The following COL12A1 variants were observed in gnomAD, a reference collection of about 807,000 sequenced individuals.
The protein encoded by COL12A1 is collagen alpha-1(XII) chain.
COL12A1 carries 114 observed loss-of-function variants against 349.7 expected under a neutral mutation model. The observed-to-expected ratio is 0.33, with a 90% confidence interval of 0.28 to 0.38. The LOEUF (loss-of-function observed/expected upper bound fraction) is 0.38, where lower values mean the gene tolerates loss of function less well. Among genes scored for constraint, COL12A1 ranks in the 10% least tolerant of loss-of-function variants. COL12A1 has a pLI of 1.00. For missense variants in COL12A1, 3,284 were observed against 3,756.9 expected (o/e 0.87, Z 3.29); for synonymous variants, 1,369 against 1,329.0 (o/e 1.03, Z -0.66).
In COL12A1 at chr6:75,119,392, C is replaced by A; in HGVS notation, c.7168G>T (p.Ala2390Ser). The change falls in exon 45 of 66, where the codon GCC becomes TCC. Residue 2390 changes from alanine to serine, a missense_variant. This residue lies in a region of COL12A1 where 683 missense variants were observed against 932.1 expected (regional missense o/e 0.73). Coordinates refer to ENST00000322507, the MANE Select transcript of COL12A1 (RefSeq NM_004370.6). The stretch of plus-strand genomic sequence containing the variant: ...CCTCTGTACCTAATATTCTGGAGGG[C>A]CCCAAGGGCTAGGGCCTTGTCATTG... The part of the protein sequence containing the change: ...TYNDKALALG[A>S]LQNIRYRGGN... The A allele has an allele frequency of 6.2e-7, 1 of 1,613,906 alleles. No homozygotes were observed. Among genetic ancestry groups the A allele is most frequent in the Non-Finnish European group, 8.5e-7 (1 of 1,179,892 alleles).
chr6:75,185,732 G>T (rs1769579101), intron 8 of COL12A1, among the ~76,000 whole-genome samples: 1 of 152,168 alleles, frequency 6.6e-6, no homozygotes, highest in Admixed American at 6.5e-5. Context: ...CAGGGCTGTG[G>T]TAACCAAAAC....
At position 75,085,231 on chromosome 6, in the gene COL12A1, G is replaced by T. The variant is rs1194153063; in HGVS notation, c.*1316C>A. On this transcript the variant is annotated 3_prime_UTR_variant, in exon 66 of 66. Coordinates refer to ENST00000322507, the MANE Select transcript of COL12A1 (RefSeq NM_004370.6). ...TGGGGCAGGGCGCGCCGCCAGCGCC[G>T]GTGGGGCTCAGGAGGCTCCTCTGCA... The T allele has an allele frequency of 2.1e-6, 1 of 469,682 alleles. No individual in the cohort carries two copies. The highest frequency in any genetic ancestry group is 7.0e-5 in the East Asian group (1 of 14,344). 29.1% of individuals were successfully genotyped at this position (469,682 alleles called of 1,614,324 possible). A position where few individuals can be genotyped will look rare whatever the true frequency, so the allele number is the denominator to read the frequency against.
intron 58 of COL12A1, among the ~76,000 whole-genome samples, chr6:75,099,108 T>C (rs1486874194): frequency 6.6e-6 from 1 of 152,214 alleles, no homozygotes; most frequent in Non-Finnish European, 1.5e-5. Context: ...AAGTTGACCA[T>C]TTGGAGCTCT....
At chr6:75,089,699 A>G (rs1299653397) in intron 63 of COL12A1, among the ~76,000 whole-genome samples, 1 of 152,192 alleles carries the variant, frequency 6.6e-6, no homozygotes, top group East Asian at 1.9e-4. Flanking sequence ...AGAGCCAAAC[A>G]AACATACAAG....
At chr6:75,188,556 G>A (rs770603553) in intron 7 of COL12A1, 21 bp from the exon 8 acceptor site, 5 of 1,605,772 alleles carry the variant, frequency 3.1e-6, no homozygotes, top group African/African-American at 1.3e-5. Flanking sequence ...AAAGGATAAG[G>A]ACATATTGAA....
chr6:75,099,145 A>C (rs1461888255), intron 58 of COL12A1, among the ~76,000 whole-genome samples: 1 of 152,226 alleles, frequency 6.6e-6, no homozygotes, highest in Non-Finnish European at 1.5e-5. Flanking sequence ...CACACTTTTT[A>C]TTAGTACATT....
chr6:75,128,583 T>C lies in COL12A1; in HGVS notation c.6211-158A>G, dbSNP rs76961213. On this transcript the variant is annotated intron_variant, in intron 37 of 65. Coordinates refer to ENST00000322507, the MANE Select transcript of COL12A1 (RefSeq NM_004370.6). ...CGTGACAAGACAAACTATCTTCACT[T>C]CTTCTCTGCAGCATAGGAGAGTGGT... 0.04 allele frequency among the ~76,000 whole-genome samples: 6,122 copies of C among 152,266 alleles called. 223 individuals carry two copies. The highest frequency in any genetic ancestry group is 0.1 in the African/African-American group (4,201 of 41,550).
intron 22 of COL12A1, 47 bp from the exon 23 acceptor site, chr6:75,147,851 C>A: frequency 6.3e-7 from 1 of 1,589,448 alleles, no homozygotes; most frequent in South Asian, 1.2e-5. Flanking sequence ...ATAATCAGTT[C>A]CCTTTTTCCT....
intron 49 of COL12A1, 66 bp from the exon 50 acceptor site, chr6:75,113,810 T>C (rs1328729870): frequency 4.0e-6 from 5 of 1,262,252 alleles, no homozygotes; most frequent in Non-Finnish European, 5.4e-6. Flanking sequence ...AAAGAAAGAT[T>C]GATTGCTTTA....
At chr6:75,091,016 C>T (rs1193441763) in intron 62 of COL12A1, among the ~76,000 whole-genome samples, 2 of 152,138 alleles carry the variant, frequency 1.3e-5, no homozygotes, top group Non-Finnish European at 2.9e-5. Context: ...TCAAATTCAT[C>T]TTGGTGGGCC....
At chr6:75,150,965 T>G (rs1767449168) in intron 21 of COL12A1, among the ~76,000 whole-genome samples, 176 bp downstream of exon 21, 1 of 152,164 alleles carries the variant, frequency 6.6e-6, no homozygotes, top group Admixed American at 6.6e-5. Context: ...CAACCGAAGA[T>G]CTTTTTAATT....
intron 10 of COL12A1, among the ~76,000 whole-genome samples, chr6:75,182,508 A>T (rs1340630224): frequency 6.6e-6 from 1 of 152,118 alleles, no homozygotes; most frequent in East Asian, 1.9e-4. Context: ...GATGGTTTCC[A>T]GCTTCATCCA....
Position 75,189,747 on chromosome 6 carries a change from T to C in COL12A1, c.463A>G (p.Asn155Asp). The change falls in exon 6 of 66, where the codon AAT becomes GAT. Residue 155 changes from asparagine to aspartate, a missense_variant. By Grantham distance (23) the Asn-to-Asp change is conservative. Transcript: ENST00000322507. Reference sequence around the variant, plus strand: ...ATGAAGTCTAAAATGTACTTGAAATTATTTCTTCCCACACTCCAAGAGCCA... The same window carrying C: ...ATGAAGTCTAAAATGTACTTGAAATCATTTCTTCCCACACTCCAAGAGCCA... ...VDGSWSVGRNNFKYILDFIAA... is the reference protein window; with the variant it reads ...VDGSWSVGRNDFKYILDFIAA... 1.2e-6 allele frequency: 2 copies of C among 1,613,320 alleles called. No homozygotes were observed. The highest frequency in any genetic ancestry group is 1.7e-6 in the Non-Finnish European group (2 of 1,179,410).
chr6:75,114,239 T>C (rs1217093635), intron 49 of COL12A1, among the ~76,000 whole-genome samples: 1 of 151,836 alleles, frequency 6.6e-6, no homozygotes, highest in East Asian at 1.9e-4. Flanking sequence ...TCCCTCCCTA[T>C]CAGTAATACT....
chr6:75,154,248 T>C (rs958227796), intron 17 of COL12A1, among the ~76,000 whole-genome samples, 168 bp downstream of exon 17: 1 of 152,052 alleles, frequency 6.6e-6, no homozygotes, highest in Non-Finnish European at 1.5e-5. Flanking sequence ...TCAAAAAGCA[T>C]GCTTGACTGG....
intron 58 of COL12A1, among the ~76,000 whole-genome samples, chr6:75,100,666 T>C (rs1013271597): frequency 3.9e-5 from 6 of 152,172 alleles, no homozygotes; most frequent in Non-Finnish European, 5.9e-5. Context: ...TACCATTTTG[T>C]ATTATCTTAG....
chr6:75,146,213 A>G lies in COL12A1; in HGVS notation c.4449T>C (p.Tyr1483=). The change falls in exon 24 of 66, where the codon TAT becomes TAC. Residue 1483 remains tyrosine, a synonymous_variant. Coordinates refer to ENST00000322507, the MANE Select transcript of COL12A1 (RefSeq NM_004370.6). ...CATGCATGGTGGTAGGGCCAACATC[A>G]TAAATATTCAGGCTGACTACAGGCA... is the stretch of plus-strand genomic sequence containing the variant. ...LPVPVVSLNI[Y]DVGPTTMHVQ... The G allele has an allele frequency of 6.2e-7, 1 of 1,611,914 alleles. No individual in the cohort carries two copies. The highest frequency in any genetic ancestry group is 1.3e-5 in the African/African-American group (1 of 74,924).
Position 75,143,272 on chromosome 6 carries a change from G to C in COL12A1, c.4807C>G (p.Pro1603Ala), listed in dbSNP as rs200034130. 3.5e-5 allele frequency: 56 copies of C among 1,613,696 alleles called. No homozygotes were observed. The African/African-American group carries it at 7.2e-4, about 21-fold the overall frequency. Residue 1603 changes from proline to alanine, a missense_variant, in exon 26 of 66, where the codon CCA becomes GCA. This residue lies in a region of COL12A1 where 2,601 missense variants were observed against 2,824.8 expected (regional missense o/e 0.92). Coordinates refer to ENST00000322507, the MANE Select transcript of COL12A1 (RefSeq NM_004370.6). ...VRKYIVRYKT[P>A]EEDVKEVEVD... ...CCTACCTCTTTGACATCCTCTTCTG[G>C]TGTTTTGTATCGAACAATATATTTA...
intron 11 of COL12A1, among the ~76,000 whole-genome samples, chr6:75,179,560 A>T (rs1323078498): frequency 6.6e-6 from 1 of 152,156 alleles, no homozygotes; most frequent in Non-Finnish European, 1.5e-5. Context: ...AAAAAAGGAA[A>T]AATAGCAATC....
Sources: gnomAD v4.1 joint callset for allele counts (sites outside exome capture counted in the v4.1 genomes callset) on GRCh38, gnomAD v4.1.1 for gene constraint, gnomAD v4.1.1 regional missense constraint, MANE v1.5 for transcripts, NCBI Gene and HGNC (gene_info 2026-07-23, HGNC 2026-07-21) for gene names.